SNX8: variants seen among roughly 807,000 people sequenced by gnomAD.
SNX8 encodes sorting nexin 8, also known as sorting nexin-8.
SNX8 carries 25 observed loss-of-function variants against 51.6 expected under a neutral mutation model. The observed-to-expected ratio is 0.48, with a 90% confidence interval of 0.35 to 0.68. The LOEUF (loss-of-function observed/expected upper bound fraction) is 0.68. SNX8 is among the 30% of genes least tolerant of loss of function. The pLI, the probability that SNX8 is intolerant of heterozygous loss-of-function variation, is 0.00. For missense variants in SNX8, 695 were observed against 624.0 expected (o/e 1.11, Z -1.21); for synonymous variants, 324 against 277.0 (o/e 1.17, Z -1.68).
chr7:2,313,453 G>A (rs1022600399), intron 1 of SNX8, among the ~76,000 whole-genome samples: 1 of 151,238 alleles, frequency 6.6e-6, no homozygotes, highest in Non-Finnish European at 1.5e-5. Flanking sequence ...TTGAACCCGG[G>A]AGGCGGAGGT....
At chr7:2,283,362 G>A (rs559243070) in intron 1 of SNX8, among the ~76,000 whole-genome samples, 3 of 152,310 alleles carry the variant, frequency 2.0e-5, no homozygotes, top group South Asian at 2.1e-4. Flanking sequence ...CTGACCCAGC[G>A]TGGGGCTACA....
chr7:2,285,974 C>T (rs1255712026), intron 1 of SNX8, among the ~76,000 whole-genome samples: 3 of 152,012 alleles, frequency 2.0e-5, no homozygotes, highest in African/African-American at 7.2e-5. Flanking sequence ...TGAGCCATAG[C>T]ACCCAGCCTA....
At chr7:2,261,126 A>G (rs1795324759) in intron 7 of SNX8, among the ~76,000 whole-genome samples, 1 of 152,180 alleles carries the variant, frequency 6.6e-6, no homozygotes, top group Non-Finnish European at 1.5e-5. Context: ...GGAAAGGGTC[A>G]GCAGATTACA....
chr7:2,336,891 C>T (rs1778840146), intron 1 of SNX8, among the ~76,000 whole-genome samples: 1 of 151,636 alleles, frequency 6.6e-6, no homozygotes, highest in South Asian at 2.1e-4. Context: ...TGCCTGTAAT[C>T]CCAGCTACTC....
intron 1 of SNX8, among the ~76,000 whole-genome samples, chr7:2,347,093 G>T (rs1779045926): frequency 6.6e-6 from 1 of 152,038 alleles, no homozygotes; most frequent in Non-Finnish European, 1.5e-5. Flanking sequence ...GGGAGCCTGA[G>T]GTAGGAGAAT....
chr7:2,259,388 C>T (rs1039904576), intron 7 of SNX8, among the ~76,000 whole-genome samples: 1 of 152,248 alleles, frequency 6.6e-6, no homozygotes, highest in African/African-American at 2.4e-5. Flanking sequence ...GCTCCCTCCA[C>T]GATTCCTCGG....
intron 6 of SNX8, among the ~76,000 whole-genome samples, 177 bp from the exon 7 acceptor site, chr7:2,263,539 C>T (rs1421762093): frequency 1.3e-5 from 2 of 152,142 alleles, no homozygotes; most frequent in East Asian, 1.9e-4. Context: ...GAAAGGGTGG[C>T]CCTGGGGCTG....
chr7:2,271,688 A>G (rs1795647130), intron 4 of SNX8, among the ~76,000 whole-genome samples, 162 bp downstream of exon 4: 1 of 152,176 alleles, frequency 6.6e-6, no homozygotes, highest in Non-Finnish European at 1.5e-5. Context: ...TCACATTCAG[A>G]CTGTTATCTG....
intron 1 of SNX8, among the ~76,000 whole-genome samples, chr7:2,301,922 G>A (rs111509126): frequency 2.6e-5 from 4 of 152,262 alleles, no homozygotes; most frequent in African/African-American, 9.6e-5. Flanking sequence ...TAAGGAGAAT[G>A]CAGAGCACAT....
intron 1 of SNX8, 50 bp downstream of exon 1, chr7:2,314,278 C>T (rs1300208062): frequency 2.4e-5 from 29 of 1,215,558 alleles, no homozygotes; most frequent in Non-Finnish European, 3.0e-5. Flanking sequence ...CGGGGGTGGT[C>T]GGGCCGCGCG....
chr7:2,283,738 G>A (rs1443115471), intron 1 of SNX8, among the ~76,000 whole-genome samples: 1 of 152,194 alleles, frequency 6.6e-6, no homozygotes, highest in Admixed American at 6.5e-5. Flanking sequence ...CAAACACAGA[G>A]GGCTGGGCCC....
At chr7:2,309,995 G>C in intron 1 of SNX8, 1 of 402,840 alleles carries the variant, frequency 2.5e-6, no homozygotes, top group Non-Finnish European at 5.1e-6. Flanking sequence ...CGGAGCTTCC[G>C]AACCGAATGG....
intron 1 of SNX8, among the ~76,000 whole-genome samples, chr7:2,322,252 T>C (rs1034574896): frequency 1.3e-5 from 2 of 152,168 alleles, no homozygotes; most frequent in African/African-American, 4.8e-5. Flanking sequence ...GTTACTAAAA[T>C]GCTGGTGTGG....
At chr7:2,333,149 A>C (rs1398691974) in intron 1 of SNX8, among the ~76,000 whole-genome samples, 1 of 151,762 alleles carries the variant, frequency 6.6e-6, no homozygotes, top group Non-Finnish European at 1.5e-5. Context: ...CCTGACCTCA[A>C]GCAATCCTCC....
At chr7:2,331,013 C>T (rs192868159) in intron 1 of SNX8, among the ~76,000 whole-genome samples, 192 of 151,580 alleles carry the variant, frequency 1.3e-3, no homozygotes, top group African/African-American at 4.4e-3. Flanking sequence ...GGTGAAACCC[C>T]GTCTCTACTA....
chr7:2,314,076 G>C (rs940478500), intron 1 of SNX8, among the ~76,000 whole-genome samples: 1 of 152,198 alleles, frequency 6.6e-6, no homozygotes, highest in Non-Finnish European at 1.5e-5. Context: ...CTGTAACCTG[G>C]ACAGGGCTCT....
intron 1 of SNX8, among the ~76,000 whole-genome samples, chr7:2,286,100 G>C (rs1346940570): frequency 6.7e-6 from 1 of 150,094 alleles, no homozygotes; most frequent in African/African-American, 2.5e-5. Context: ...CAACCTCCAA[G>C]TCCCAGGTTC....
At chr7:2,309,322 G>C (rs987148006) in intron 1 of SNX8, among the ~76,000 whole-genome samples, 1 of 152,200 alleles carries the variant, frequency 6.6e-6, no homozygotes, top group African/African-American at 2.4e-5. Context: ...AGGAGTTTGA[G>C]ATCATCCTTC....
chr7:2,274,829 A>G (rs942570416), intron 3 of SNX8: 1 of 401,718 alleles, frequency 2.5e-6, no homozygotes, highest in African/African-American at 2.1e-5. Flanking sequence ...TGGAGAGGAG[A>G]ACTAGGGTTC....
Sources: allele counts gnomAD v4.1 joint callset (sites outside exome capture counted in the v4.1 genomes callset), GRCh38; gene constraint gnomAD v4.1.1; transcripts MANE v1.5; gene names NCBI Gene and HGNC (gene_info 2026-07-23, HGNC 2026-07-21).